Variants in CDC5L observed in about 807,000 individuals in gnomAD.
CDC5L encodes the protein cell division cycle 5-like protein.
Under a neutral mutation model 104.1 loss-of-function variants are expected in CDC5L, and 18 were observed. The ratio of observed to expected loss-of-function variants is 0.17; its 90% confidence interval spans 0.12 to 0.26. CDC5L has a LOEUF of 0.26. Among genes scored for constraint, CDC5L ranks in the 10% least tolerant of loss-of-function variants. The probability of loss-of-function intolerance (pLI) is 1.00; values close to 1 mark genes in which losing one functional copy is unlikely to be tolerated. For missense variants in CDC5L, 673 were observed against 956.9 expected, an observed-to-expected ratio of 0.70 and a Z score of 3.91; for synonymous variants, 331 against 322.7, an observed-to-expected ratio of 1.03 and a Z score of -0.28.
At chr6:44,415,116 A>G (rs532885320) in intron 8 of CDC5L, among the ~76,000 whole-genome samples, 1 of 152,334 alleles carries the variant, frequency 6.6e-6, no homozygotes, top group African/African-American at 2.4e-5. Context: ...TGGACTTTCA[A>G]TTCTGTCTCA....
chr6:44,426,413 T>C, intron 12 of CDC5L, 69 bp from the exon 13 acceptor site: 1 of 960,614 alleles, frequency 1.0e-6, no homozygotes, highest in Non-Finnish European at 1.6e-6. Flanking sequence ...TAATTCATGC[T>C]GTAACAGGTA....
chr6:44,447,745 A>T lies in CDC5L; in HGVS notation c.*1034A>T, dbSNP rs1450950959. 1 of 152,228 alleles carries T rather than the reference A, an allele frequency of 6.6e-6. No individual in the cohort carries two copies. The highest frequency in any genetic ancestry group is 1.9e-4 in the East Asian group (1 of 5,206). 9.4% of individuals were successfully genotyped at this position (152,228 alleles called of 1,614,324 possible). A position where few individuals can be genotyped will look rare whatever the true frequency, so the allele number is the denominator to read the frequency against. On this transcript the variant is annotated 3_prime_UTR_variant, in exon 16 of 16. Transcript: ENST00000371477. ...GCCTAGTTCTTGTTTAGTAGAGCTT[A>T]TAGTCTTTTGAGAATGACAGACAAT...
chr6:44,423,249 G>A (rs528417976), intron 10 of CDC5L, among the ~76,000 whole-genome samples: 44 of 152,080 alleles, frequency 2.9e-4, no homozygotes, highest in African/African-American at 9.6e-4. Context: ...TATATATTTG[G>A]TTGATTTATA....
intron 2 of CDC5L, among the ~76,000 whole-genome samples, chr6:44,392,209 A>G (rs1245017809): frequency 6.6e-6 from 1 of 152,188 alleles, no homozygotes; most frequent in East Asian, 1.9e-4. Flanking sequence ...TTAAATTTTA[A>G]AACATATCAA....
At chr6:44,401,238 T>C (rs1369622920) in intron 5 of CDC5L, among the ~76,000 whole-genome samples, 1 of 152,186 alleles carries the variant, frequency 6.6e-6, no homozygotes, top group Non-Finnish European at 1.5e-5. Context: ...ACAGCCCTAC[T>C]TTATTAGCTG....
chr6:44,393,430 A>G lies in CDC5L; in HGVS notation c.312-16A>G, dbSNP rs780663830. The stretch of plus-strand genomic sequence containing the variant: ...TGGTACTGTAGTGTGACTAACTCCT[A>G]TGGGCTTTTTTCTAGGGATAAAGCT... On this transcript the variant is annotated splice_polypyrimidine_tract_variant and intron_variant, in intron 3 of 15. Transcript: ENST00000371477. The G allele has an allele frequency of 3.1e-6, 5 of 1,611,866 alleles. No individual in the cohort carries two copies. The highest frequency in any genetic ancestry group is 2.7e-5 in the African/African-American group (2 of 74,760).
rs762741717 is a variant in CDC5L at position 44,387,736 on chromosome 6, G to A, written c.-88G>A. 1 of 1,189,088 alleles carries A rather than the reference G, an allele frequency of 8.4e-7. No individual in the cohort carries two copies. Among genetic ancestry groups the A allele is most frequent in the Non-Finnish European group, 1.2e-6 (1 of 820,284 alleles). The allele number at this position is 1,189,088 out of a possible 1,614,324, so 73.7% of individuals were successfully genotyped here. A position where few individuals can be genotyped will look rare whatever the true frequency, so the allele number is the denominator to read the frequency against. On this transcript the variant is annotated 5_prime_UTR_variant, in exon 1 of 16. It adds an upstream start codon to the 5' untranslated region. Transcript: ENST00000371477. ...AAGCAGAAGGTCGCGCTTGGAGGAAGTGGCGGCTTTGAGTCCGGTGGCCCA... is the reference window on the plus strand; with the variant it reads ...AAGCAGAAGGTCGCGCTTGGAGGAAATGGCGGCTTTGAGTCCGGTGGCCCA...
At chr6:44,423,418 A>G (rs1792279209) in intron 10 of CDC5L, among the ~76,000 whole-genome samples, 1 of 152,224 alleles carries the variant, frequency 6.6e-6, no homozygotes, top group Non-Finnish European at 1.5e-5. Flanking sequence ...AAGGAAATTT[A>G]TATTCTGGGG....
intron 2 of CDC5L, among the ~76,000 whole-genome samples, chr6:44,390,851 G>A (rs938182279): frequency 1.3e-5 from 2 of 148,426 alleles, no homozygotes; most frequent in African/African-American, 4.9e-5. Context: ...TAATACAGTT[G>A]AAATATTATA....
At chr6:44,395,335 TAACA>T (rs1790821957) in intron 4 of CDC5L, among the ~76,000 whole-genome samples, 1 of 152,230 alleles carries the variant, frequency 6.6e-6, no homozygotes, top group Non-Finnish European at 1.5e-5. Flanking sequence ...TCTATGCATG[TAACA>T]AACTCTCACA....
intron 9 of CDC5L, 46 bp from the exon 10 acceptor site, chr6:44,422,601 C>T (rs1222157516): frequency 3.1e-6 from 4 of 1,281,100 alleles, no homozygotes; most frequent in South Asian, 1.6e-5. Flanking sequence ...AAGCACAATC[C>T]AAATGTAAGT....
At position 44,404,384 on chromosome 6, in the gene CDC5L, C is replaced by T. The variant is rs576482582; in HGVS notation, c.758+357C>T. ...CTGGTCTCAAACTCCTGGGCTCAAG[C>T]GATCCTTCTTAAAGTGTTGGGATTA... On this transcript the variant is annotated intron_variant, in intron 6 of 15. Transcript: ENST00000371477. Among the ~76,000 whole-genome samples the T allele has an allele frequency of 8.5e-5, 13 of 152,166 alleles. No homozygotes were observed. The South Asian group carries it at 2.3e-3, about 27-fold the overall frequency.
At chr6:44,400,329 T>G (rs1791063568) in intron 5 of CDC5L, among the ~76,000 whole-genome samples, 1 of 152,254 alleles carries the variant, frequency 6.6e-6, no homozygotes, top group South Asian at 2.1e-4. Flanking sequence ...GTAGCAATTT[T>G]GGGTACTCCC....
At position 44,435,676 on chromosome 6, in the gene CDC5L, C is replaced by A. The variant is rs934042304; in HGVS notation, c.2091+5766C>A. The A allele has an allele frequency of 5.9e-5, 9 of 153,270 alleles. No individual in the cohort carries two copies. In the Middle Eastern group the frequency reaches 1.8e-3, roughly 31 times the overall value. The allele number at this position is 153,270 out of a possible 1,614,324, so 9.5% of individuals were successfully genotyped here. A position where few individuals can be genotyped will look rare whatever the true frequency, so the allele number is the denominator to read the frequency against. On this transcript the variant is annotated intron_variant, in intron 14 of 15. Transcript: ENST00000371477. ...TGGCATCGTCCCCTGGTGGCTGTGG[C>A]CTAGGGCAAGCCACAAAGCCACTCA...
intron 14 of CDC5L, among the ~76,000 whole-genome samples, chr6:44,435,172 A>G (rs1162103040): frequency 7.0e-6 from 1 of 143,510 alleles, no homozygotes; most frequent in African/African-American, 2.6e-5. Flanking sequence ...ATCATATTCT[A>G]CATTTTTCAT....
chr6:44,430,123 G>A (rs949818775), intron 14 of CDC5L, among the ~76,000 whole-genome samples: 1 of 148,650 alleles, frequency 6.7e-6, no homozygotes, highest in South Asian at 2.1e-4. Flanking sequence ...TTAAAGAATT[G>A]TTGGCCTTCA....
intron 14 of CDC5L, among the ~76,000 whole-genome samples, chr6:44,440,493 G>A (rs141262405): frequency 4.0e-5 from 6 of 151,818 alleles, no homozygotes; most frequent in Non-Finnish European, 7.4e-5. Context: ...TCTGCCCACC[G>A]TGGCCTTCCA....
chr6:44,396,284 T>C, intron 4 of CDC5L, 57 bp from the exon 5 acceptor site: 1 of 1,121,858 alleles, frequency 8.9e-7, no homozygotes. Flanking sequence ...ATACCTTGCT[T>C]CTAGAGTATG....
At position 44,387,859 on chromosome 6, in the gene CDC5L, G is replaced by A; in HGVS notation, c.36G>A (p.Arg12=). Residue 12 remains arginine (R), a synonymous_variant, in exon 1 of 16, where the codon AGG becomes AGA. Coordinates refer to ENST00000371477, the MANE Select transcript of CDC5L (RefSeq NM_001253.4). ...PRIMIKGGVW[R]NTEDEILKAA... ...TTATGATCAAGGGGGGCGTATGGAG[G>A]AATACCGAGGTAAGTCTCCTTTTCC... The A allele has an allele frequency of 1.9e-6, 3 of 1,564,432 alleles. No homozygotes were observed. Among genetic ancestry groups the A allele is most frequent in the Middle Eastern group, 3.3e-4 (2 of 6,012 alleles).
Sources: gnomAD v4.1 joint callset for allele counts (sites outside exome capture counted in the v4.1 genomes callset) on GRCh38, gnomAD v4.1.1 for gene constraint, MANE v1.5 for transcripts, NCBI Gene and HGNC (gene_info 2026-07-23, HGNC 2026-07-21) for gene names.